DPP10: variants seen among roughly 807,000 people sequenced by gnomAD.
The protein encoded by DPP10 is inactive dipeptidyl peptidase 10.
DPP10 carries 33 observed loss-of-function variants against 120.9 expected under a neutral mutation model. That is an observed-to-expected ratio of 0.27 (90% CI 0.21 to 0.37). DPP10 has a LOEUF of 0.37. Among genes scored for constraint, DPP10 ranks in the 10% least tolerant of loss-of-function variants. DPP10 has a pLI of 1.00. For missense variants in DPP10, 816 were observed against 942.8 expected (o/e 0.87, Z 1.76); for synonymous variants, 337 against 326.1 (o/e 1.03, Z -0.36).
chr2:115,457,000 C>T (rs1370400076), intron 3 of DPP10, among the ~76,000 whole-genome samples: 1 of 151,754 alleles, frequency 6.6e-6, no homozygotes, highest in East Asian at 1.9e-4. Flanking sequence ...GGAGGAATTG[C>T]CATACCCGAT....
chr2:115,121,244 A>G (rs139632359), intron 1 of DPP10, among the ~76,000 whole-genome samples: 168 of 152,356 alleles, frequency 1.1e-3, no homozygotes, highest in African/African-American at 4.0e-3. Context: ...ATGTAAGAAT[A>G]GTAATTGGCC....
chr2:114,761,293 A>ATATCCCTGTTGGGAGATAAT (rs1680260506), intron 1 of DPP10, among the ~76,000 whole-genome samples: 1 of 152,130 alleles, frequency 6.6e-6, no homozygotes, highest in Non-Finnish European at 1.5e-5. Context: ...ACTATATATT[A>ATATCCCTGTTGGGAGATAAT]TATCCCTGTT....
intron 1 of DPP10, among the ~76,000 whole-genome samples, chr2:114,620,082 T>G (rs1490392191): frequency 2.0e-5 from 3 of 151,972 alleles, no homozygotes; most frequent in Admixed American, 1.3e-4. Flanking sequence ...TAAATTTAAT[T>G]GTTGACATGC....
At chr2:114,971,723 GAGATT>G (rs1699409135) in intron 1 of DPP10, among the ~76,000 whole-genome samples, 1 of 83,964 alleles carries the variant, frequency 1.2e-5, no homozygotes, top group Admixed American at 1.1e-4. Context: ...ACCAAAATAT[GAGATT>G]AATTCCCACT....
intron 1 of DPP10, among the ~76,000 whole-genome samples, chr2:114,634,663 A>G (rs1027708207): frequency 6.6e-6 from 1 of 151,938 alleles, no homozygotes; most frequent in Middle Eastern, 3.2e-3. Context: ...TGAATTAGGG[A>G]TAATAATGTT....
intron 3 of DPP10, among the ~76,000 whole-genome samples, chr2:115,487,365 T>C (rs2075839542): frequency 1.0e-5 from 1 of 96,330 alleles, no homozygotes; most frequent in Non-Finnish European, 2.0e-5. Context: ...CTTCACAGAA[T>C]TGGAAAAAAC....
At chr2:115,062,681 G>A (rs905510471) in intron 1 of DPP10, among the ~76,000 whole-genome samples, 13 of 152,232 alleles carry the variant, frequency 8.5e-5, no homozygotes, top group Middle Eastern at 3.4e-3. Context: ...GAGGATAATG[G>A]CTTCCAGCTC....
rs1680181969 is a variant in DPP10 at position 114,760,458 on chromosome 2, T to A, written c.60+317620T>A. 2.6e-5 allele frequency among the ~76,000 whole-genome samples: 4 copies of A among 152,166 alleles called. No homozygotes were observed. The South Asian group carries it at 8.3e-4, about 32-fold the overall frequency. On this transcript the variant is annotated intron_variant, in intron 1 of 25. Transcript: ENST00000410059. ...GAAAACAGATGTCAGTTAAAGCAGGTCTTCATTGAACAAACTTCTAACCTG... is the reference window on the plus strand; with the variant it reads ...GAAAACAGATGTCAGTTAAAGCAGGACTTCATTGAACAAACTTCTAACCTG...
intron 1 of DPP10, among the ~76,000 whole-genome samples, chr2:114,743,573 A>T (rs547564608): frequency 1.3e-4 from 20 of 152,190 alleles, no homozygotes; most frequent in Admixed American, 3.3e-4. Context: ...TGAATCCTGT[A>T]AAAGTGTATC....
rs2082571313 is a variant in DPP10, at chr2:115,590,333, A to C, written c.441+64361A>C. 3.3e-5 allele frequency among the ~76,000 whole-genome samples: 5 copies of C among 151,952 alleles called. No homozygotes were observed. In the South Asian group the frequency reaches 1.0e-3, roughly 32 times the overall value. ...CCCTCCCCCTTACCCCCACCTCACG[A>C]CAGGCTCCAGTGTTTGATGTTCCCC... On this transcript the variant is annotated intron_variant, in intron 5 of 25. Coordinates refer to ENST00000410059, the MANE Select transcript of DPP10 (RefSeq NM_020868.6).
chr2:115,143,922 T>A (rs964578364), intron 1 of DPP10: 5 of 64,044 alleles, frequency 7.8e-5, no homozygotes, highest in African/African-American at 1.8e-4. Context: ...AGAATAGTAT[T>A]TTTTTTTTGT....
intron 1 of DPP10, among the ~76,000 whole-genome samples, chr2:114,663,418 A>G (rs189566074): frequency 3.0e-4 from 45 of 150,402 alleles, no homozygotes; most frequent in Admixed American, 1.5e-3. Flanking sequence ...GCTTTCTCAT[A>G]TTTTAGTTGT....
intron 13 of DPP10, among the ~76,000 whole-genome samples, chr2:115,773,447 C>T (rs1681717876): frequency 6.6e-6 from 1 of 152,028 alleles, no homozygotes; most frequent in Non-Finnish European, 1.5e-5. Flanking sequence ...AAATTTCCAG[C>T]CCTCTTTTAA....
At chr2:115,167,138 C>G (rs2052936506) in intron 1 of DPP10, among the ~76,000 whole-genome samples, 1 of 151,978 alleles carries the variant, frequency 6.6e-6, no homozygotes, top group East Asian at 1.9e-4. Context: ...ACTGCAGTTC[C>G]CTTTAGATGT....
At chr2:115,220,902 A>T (rs1264261931) in intron 1 of DPP10, among the ~76,000 whole-genome samples, 1 of 149,456 alleles carries the variant, frequency 6.7e-6, no homozygotes, top group Non-Finnish European at 1.5e-5. Flanking sequence ...ATATTCATAT[A>T]TCATATTTAT....
rs891219357 is a variant in DPP10, at chr2:115,762,508, G to T, written c.1075-64G>T. On this transcript the variant is annotated intron_variant, in intron 11 of 25. Coordinates refer to ENST00000410059, the MANE Select transcript of DPP10 (RefSeq NM_020868.6). ...AAACTGATAACCGTGTTTTAAAAAA[G>T]TTAAATTTATATATGCTCATTTTGG... 7.8e-5 allele frequency: 125 copies of T among 1,592,744 alleles called. No homozygotes were observed. In the East Asian group the frequency reaches 2.7e-3, roughly 34 times the overall value.
In DPP10 at chr2:114,784,754, A is replaced by C. The variant is rs115429718; in HGVS notation, c.60+341916A>C. Reference sequence around the variant, plus strand: ...CCCATCTTGGGTTGGTTTCAAGTACATCAATAGAACAACTTATAGAACTGT... The same window carrying C: ...CCCATCTTGGGTTGGTTTCAAGTACCTCAATAGAACAACTTATAGAACTGT... On this transcript the variant is annotated intron_variant, in intron 1 of 25. Coordinates refer to ENST00000410059, the MANE Select transcript of DPP10 (RefSeq NM_020868.6). Among the ~76,000 whole-genome samples the C allele has an allele frequency of 8.2e-3, 1,243 of 150,996 alleles. 19 individuals are homozygous for C. Among genetic ancestry groups the C allele is most frequent in the African/African-American group, 0.029 (1,182 of 41,466 alleles).
At chr2:114,755,346 T>G (rs1202256288) in intron 1 of DPP10, among the ~76,000 whole-genome samples, 1 of 152,158 alleles carries the variant, frequency 6.6e-6, no homozygotes, top group African/African-American at 2.4e-5. Flanking sequence ...CAGGCTGGAG[T>G]GCAATGGCAC....
chr2:115,327,615 A>G (rs897304180), intron 2 of DPP10, among the ~76,000 whole-genome samples: 40 of 152,070 alleles, frequency 2.6e-4, no homozygotes, highest in African/African-American at 8.7e-4. Context: ...CATTCCTTCC[A>G]GTAAAAATAA....
Sources: allele counts gnomAD v4.1 joint callset (sites outside exome capture counted in the v4.1 genomes callset), GRCh38; gene constraint gnomAD v4.1.1; transcripts MANE v1.5; gene names NCBI Gene and HGNC (gene_info 2026-07-23, HGNC 2026-07-21).